CCDC149: variants seen among roughly 807,000 people sequenced by gnomAD.
CCDC149 encodes the protein coiled-coil domain containing 149, also known as coiled-coil domain-containing protein 149.
CCDC149 carries 45 observed loss-of-function variants against 59.9 expected under a neutral mutation model. The ratio of observed to expected loss-of-function variants is 0.75; its 90% CI spans 0.59 to 0.96. The LOEUF is 0.96. CCDC149 is among the 40% of genes least tolerant of loss of function. The probability of loss-of-function intolerance (pLI) is 0.00; values close to 1 mark genes in which losing one functional copy is unlikely to be tolerated. For synonymous variants in CCDC149, 245 were observed against 260.6 expected, an observed-to-expected ratio of 0.94 and a Z score of 0.58; for missense variants, 584 against 664.7, an observed-to-expected ratio of 0.88 and a Z score of 1.33.
chr4:24,839,012 TC>T (rs1397076662), intron 4 of CCDC149, among the ~76,000 whole-genome samples: 20 of 107,056 alleles, frequency 1.9e-4, no homozygotes, highest in Admixed American at 9.4e-4. Context: ...TCTCTCTCTC[TC>T]TCTCTCTCTC....
intron 9 of CCDC149, chr4:24,831,174 T>G (rs181187134): frequency 5.4e-6 from 1 of 184,062 alleles, no homozygotes; most frequent in African/African-American, 2.4e-5. Flanking sequence ...CTGAGGCAGT[T>G]TCTCCCCTAA....
At position 24,967,028 on chromosome 4, in the gene CCDC149, C is replaced by T. The variant is rs530109901; in HGVS notation, c.-65+13041G>A. 1.2e-4 allele frequency among the ~76,000 whole-genome samples: 19 copies of T among 152,252 alleles called. No homozygotes were observed. The East Asian group carries it at 2.3e-3, about 19-fold the overall frequency. ...TGCTTTCATTGACAGTTATGGAGGA[C>T]GGTCAGTGAAAGTGAAACCTGTATC... On this transcript the variant is annotated intron_variant, in intron 1 of 12. Coordinates refer to the CCDC149 transcript ENST00000389609.
intron 12 of CCDC149, among the ~76,000 whole-genome samples, chr4:24,814,445 G>C (rs1336573097): frequency 6.6e-6 from 1 of 152,150 alleles, no homozygotes; most frequent in Admixed American, 6.5e-5. Context: ...TTTGATTCTA[G>C]TCTCCTCCTA....
chr4:24,826,573 A>T (rs897633615), intron 9 of CCDC149, among the ~76,000 whole-genome samples: 1 of 152,226 alleles, frequency 6.6e-6, no homozygotes, highest in Non-Finnish European at 1.5e-5. Context: ...TCACCACCAG[A>T]GGATGCGAAG....
rs182739672 is a variant in CCDC149, at chr4:24,937,302, C to A, written c.-64-42184G>T. Among the ~76,000 whole-genome samples, 21 of 152,248 alleles carry A rather than the reference C, an allele frequency of 1.4e-4. No homozygotes were observed. The South Asian group carries it at 3.9e-3, about 29-fold the overall frequency. On this transcript the variant is annotated intron_variant, in intron 1 of 12. Transcript: ENST00000389609. ...TCTGATGAGCAAACTGTGGTCATGA[C>A]GAATGTCTTCCAAGCATTTATTCAT... is the stretch of plus-strand genomic sequence containing the variant.
At chr4:24,942,131 G>C (rs1722972502) in intron 1 of CCDC149, among the ~76,000 whole-genome samples, 1 of 152,140 alleles carries the variant, frequency 6.6e-6, no homozygotes, top group South Asian at 2.1e-4. Context: ...GATGAACATT[G>C]ATGCAAAAAT....
At chr4:24,974,020 G>A (rs1405883177) in intron 1 of CCDC149, among the ~76,000 whole-genome samples, 3 of 152,352 alleles carry the variant, frequency 2.0e-5, no homozygotes, top group Middle Eastern at 3.4e-3. Flanking sequence ...CCTCTGCTTC[G>A]GAAGAGTATT....
At chr4:24,894,970 T>G in intron 1 of CCDC149, 1 of 1,536,080 alleles carries the variant, frequency 6.5e-7, no homozygotes, top group African/African-American at 1.4e-5. Context: ...TAAAGTCCCA[T>G]GCAGGCATGG....
downstream of CCDC149, among the ~76,000 whole-genome samples, chr4:24,804,946 A>G (rs1031061879): frequency 6.6e-6 from 1 of 152,174 alleles, no homozygotes; most frequent in Non-Finnish European, 1.5e-5. Context: ...CCTCCCAGCT[A>G]GAGAGGCTTT....
At chr4:24,805,471 G>C (rs905592188), downstream of CCDC149, among the ~76,000 whole-genome samples, 2 of 152,214 alleles carry the variant, frequency 1.3e-5, no homozygotes, top group African/African-American at 4.8e-5. Context: ...ATGGGGTTCA[G>C]AGACAGCACC....
intron 4 of CCDC149, among the ~76,000 whole-genome samples, chr4:24,843,424 T>C (rs1577402301): frequency 6.6e-6 from 1 of 152,148 alleles, no homozygotes; most frequent in Non-Finnish European, 1.5e-5. Context: ...GCCTATTATT[T>C]CTTTACTTTT....
chr4:24,955,364 A>C (rs1258912604), intron 1 of CCDC149, among the ~76,000 whole-genome samples: 2 of 152,214 alleles, frequency 1.3e-5, no homozygotes, highest in Non-Finnish European at 2.9e-5. Context: ...CTCAAGGCCT[A>C]GTCACTTCTT....
intron 1 of CCDC149, among the ~76,000 whole-genome samples, chr4:24,937,451 A>G (rs1457889790): frequency 1.3e-5 from 2 of 152,200 alleles, no homozygotes; most frequent in African/African-American, 4.8e-5. Context: ...AAAAACCCAC[A>G]TTTCAGTGGC....
intron 1 of CCDC149, among the ~76,000 whole-genome samples, chr4:24,926,353 G>A (rs578195536): frequency 1.3e-5 from 2 of 152,334 alleles, no homozygotes; most frequent in South Asian, 2.1e-4. Context: ...ACAGGAAACA[G>A]TTTTGCTAAA....
chr4:24,933,493 A>T (rs967474585), intron 1 of CCDC149, among the ~76,000 whole-genome samples: 3 of 152,194 alleles, frequency 2.0e-5, no homozygotes, highest in Non-Finnish European at 2.9e-5. Flanking sequence ...AGATGAGTAT[A>T]ATTTTTTGTG....
intron 1 of CCDC149, among the ~76,000 whole-genome samples, chr4:24,952,474 C>T (rs10020214): frequency 0.55 from 82,079 of 149,370 alleles, 24,058 homozygotes; most frequent in Non-Finnish European, 0.66. Context: ...TGCCTGTAAT[C>T]CCAGCTATTC....
At chr4:24,975,305 G>A (rs1724131488) in intron 1 of CCDC149, among the ~76,000 whole-genome samples, 1 of 144,220 alleles carries the variant, frequency 6.9e-6, no homozygotes, top group South Asian at 2.4e-4. Flanking sequence ...GAGAGAAAGG[G>A]AAAAGAAGGG....
intron 1 of CCDC149, among the ~76,000 whole-genome samples, chr4:24,972,698 G>T (rs1577514884): frequency 1.3e-5 from 2 of 152,080 alleles, no homozygotes; most frequent in Non-Finnish European, 2.9e-5. Context: ...ATTTAAACCT[G>T]TCTAACTGAC....
intron 3 of CCDC149, among the ~76,000 whole-genome samples, chr4:24,868,125 C>T (rs1179827045): frequency 6.6e-6 from 1 of 152,202 alleles, no homozygotes; most frequent in Non-Finnish European, 1.5e-5. Context: ...GAGACCCCAT[C>T]TCAGGGTGTG....
Sources: allele counts gnomAD v4.1 joint callset (sites outside exome capture counted in the v4.1 genomes callset), GRCh38; gene constraint gnomAD v4.1.1; transcripts MANE v1.5; gene names NCBI Gene and HGNC (gene_info 2026-07-23, HGNC 2026-07-21).